Variants in CACNA1I observed in about 807,000 individuals in gnomAD.
The protein encoded by CACNA1I is calcium voltage-gated channel subunit alpha1 I, also known as voltage-dependent T-type calcium channel subunit alpha-1I.
Under a neutral mutation model 201.6 loss-of-function variants are expected in CACNA1I, and 74 were observed. The ratio of observed to expected loss-of-function variants is 0.37; its 90% CI spans 0.30 to 0.45. The LOEUF is 0.45. CACNA1I is among the 20% of genes least tolerant of loss of function. CACNA1I has a pLI of 1.00. For missense variants in CACNA1I, 2,346 were observed against 3,138.1 expected, an observed-to-expected ratio of 0.75 and a Z score of 6.03; for synonymous variants, 1,431 against 1,345.2, an observed-to-expected ratio of 1.06 and a Z score of -1.40.
At chr22:39,670,340 C>A in intron 25 of CACNA1I, 110 bp downstream of exon 25, 1 of 1,125,948 alleles carries the variant, frequency 8.9e-7, no homozygotes, top group Non-Finnish European at 1.2e-6. Context: ...AAAGATACAG[C>A]CCCTGTGCCC....
chr22:39,622,598 T>TGG (rs1411964115), intron 4 of CACNA1I, among the ~76,000 whole-genome samples: 1 of 2,746 alleles, frequency 3.6e-4, no homozygotes, highest in Admixed American at 4.0e-3. Context: ...GAGTGCGGTG[T>TGG]GGGGGGGGCG....
In CACNA1I at chr22:39,634,680, G is replaced by A. The variant is rs60675234; in HGVS notation, c.696G>A (p.Ala232=). 562 of 1,613,766 alleles carry A rather than the reference G, an allele frequency of 3.5e-4. 1 individual carries two copies. The African/African-American group carries it at 5.7e-3, about 16-fold the overall frequency. Residue 232 remains alanine (A), a synonymous_variant, in exon 5 of 37, where the codon GCG becomes GCA. Transcript: ENST00000402142. The part of the protein sequence containing the change: ...IFGIIGVQLW[A]GLLRNRCFLE... ...GCATCATAGGTGTGCAGCTCTGGGC[G>A]GGCCTGCTGCGTAACCGCTGCTTCC...
At position 39,676,339 on chromosome 22, in the gene CACNA1I, T is replaced by G. The variant is rs150672867; in HGVS notation, c.4855-1002T>G. 2.0e-5 allele frequency among the ~76,000 whole-genome samples: 3 copies of G among 152,292 alleles called. No individual in the cohort carries two copies. The East Asian group carries it at 5.8e-4, about 29-fold the overall frequency. ...CATTTAATTAGTCAGACACTAGCAG[T>G]GTAGAACGGCTGGCCAGGAAACCCT... On this transcript the variant is annotated intron_variant, in intron 29 of 36. Transcript: ENST00000402142. The surrounding 1 kb of genome is among the most constrained non-coding windows in gnomAD (Gnocchi z 4.8).
chr22:39,668,752 G>A (rs1236807096), intron 24 of CACNA1I, among the ~76,000 whole-genome samples: 1 of 152,176 alleles, frequency 6.6e-6, no homozygotes, highest in Non-Finnish European at 1.5e-5. Context: ...TAGGGAATTG[G>A]GAGTTGGGAG....
intron 1 of CACNA1I, among the ~76,000 whole-genome samples, chr22:39,583,143 T>TCCATCCATCCAG (rs1291325526): frequency 1.3e-5 from 2 of 149,552 alleles, no homozygotes; most frequent in Admixed American, 1.3e-4. Context: ...TCTCCATCCA[T>TCCATCCATCCAG]CCATCCAGCC....
At chr22:39,615,192 C>A (rs1933495966) in intron 3 of CACNA1I, among the ~76,000 whole-genome samples, 1 of 152,084 alleles carries the variant, frequency 6.6e-6, no homozygotes, top group African/African-American at 2.4e-5. Flanking sequence ...CCCAGGTGGC[C>A]CTCAGCAAAA....
Position 39,677,297 on chromosome 22 carries a change from C to T in CACNA1I, c.4855-44C>T, listed in dbSNP as rs775693858. The T allele has an allele frequency of 2.5e-5, 35 of 1,395,444 alleles. No individual in the cohort carries two copies. The South Asian group carries it at 4.1e-4, about 16-fold the overall frequency. 86.4% of individuals were successfully genotyped at this position (1,395,444 alleles called of 1,614,324 possible). The stretch of plus-strand genomic sequence containing the variant: ...ACCCTTCCCAGGCCTGGTGCGCCCC[C>T]ACCCGCTCCCCAGCCCCACCCGGCC... On this transcript the variant is annotated intron_variant, in intron 29 of 36. Transcript: ENST00000402142. This position sits in a 1 kb window ranked among gnomAD's most constrained non-coding sequence, Gnocchi z 4.8.
chr22:39,616,055 T>C (rs1933526206), intron 3 of CACNA1I, among the ~76,000 whole-genome samples: 1 of 152,160 alleles, frequency 6.6e-6, no homozygotes, highest in African/African-American at 2.4e-5. Flanking sequence ...ATTTGGGGAA[T>C]GTTTGCCGCA....
chr22:39,621,867 A>G (rs1933754148), intron 4 of CACNA1I, among the ~76,000 whole-genome samples: 1 of 152,066 alleles, frequency 6.6e-6, no homozygotes. Context: ...CGGAGAGGCC[A>G]TTTTAGGGCC....
At chr22:39,661,922 GGT>G (rs757382387) in intron 16 of CACNA1I, 41 bp from the exon 17 acceptor site, 11 of 1,318,238 alleles carry the variant, frequency 8.3e-6, no homozygotes, top group Non-Finnish European at 1.1e-5. Context: ...CCCAGCCGTG[GGT>G]GTGCCTGTGG....
chr22:39,649,520 C>G lies in CACNA1I; in HGVS notation c.1587C>G (p.Ser529Arg), dbSNP rs778054426. The part of the protein sequence containing the change: ...HSGRELCPQH[S>R]PLDATPHTLV... ...TTTCAGAGCTGTGCCCGCAACATAG[C>G]CCCCTGGATGCGACGCCCCACACCC... Residue 529 changes from serine (S) to arginine (R), a missense_variant, in exon 10 of 37, where the codon AGC becomes AGG. By Grantham distance (110) the Ser-to-Arg change is moderately radical (BLOSUM62 -1). Around this residue, in one of 13 missense-constraint regions of CACNA1I, gnomAD observed 312 missense variants for 331.5 expected, o/e 0.94. Coordinates refer to ENST00000402142, the MANE Select transcript of CACNA1I (RefSeq NM_021096.4). The surrounding 1 kb of genome is among the most constrained non-coding windows in gnomAD (Gnocchi z 7.3). 6.4e-7 allele frequency: 1 copy of G among 1,562,290 alleles called. No homozygotes were observed. Among genetic ancestry groups the G allele is most frequent in the Non-Finnish European group, 8.7e-7 (1 of 1,153,608 alleles).
intron 1 of CACNA1I, among the ~76,000 whole-genome samples, chr22:39,585,218 C>T (rs1048347599): frequency 6.6e-6 from 1 of 151,696 alleles, no homozygotes; most frequent in Non-Finnish European, 1.5e-5. Context: ...TGCCACTGTG[C>T]CCGGATAATT....
chr22:39,645,572 GC>G (rs1172752684), intron 7 of CACNA1I, among the ~76,000 whole-genome samples: 1 of 152,214 alleles, frequency 6.6e-6, no homozygotes, highest in Non-Finnish European at 1.5e-5. Context: ...TACCCGAGAG[GC>G]AGGGGATTTT....
chr22:39,576,150 C>T (rs897497680), intron 1 of CACNA1I, among the ~76,000 whole-genome samples: 5 of 152,186 alleles, frequency 3.3e-5, no homozygotes, highest in Non-Finnish European at 4.4e-5. Context: ...ACTTCCTTTT[C>T]CCCCTCTCTG....
rs143477752 is a variant in CACNA1I, at chr22:39,684,166, T to C, written c.5831-136T>C. 115 of 683,984 alleles carry C rather than the reference T, an allele frequency of 1.7e-4. No homozygotes were observed. In the East Asian group the frequency reaches 3.1e-3, roughly 18 times the overall value. 42.4% of individuals were successfully genotyped at this position (683,984 alleles called of 1,614,324 possible). On this transcript the variant is annotated intron_variant, in intron 35 of 36. Coordinates refer to ENST00000402142, the MANE Select transcript of CACNA1I (RefSeq NM_021096.4). This position sits in a 1 kb window ranked among gnomAD's most constrained non-coding sequence, Gnocchi z 4.6. ...CGAAGGCTTAGAGAGGGGGGACTTGTCCACAGTCTCACAGTCAGTTTATTA... is the reference window on the plus strand; with the variant it reads ...CGAAGGCTTAGAGAGGGGGGACTTGCCCACAGTCTCACAGTCAGTTTATTA...
chr22:39,685,936 G>C lies in CACNA1I; in HGVS notation c.6203G>C (p.Ser2068Thr). The change falls in exon 37 of 37, where the codon AGC becomes ACC. Residue 2068 changes from serine (S) to threonine (T), a missense_variant. Transcript: ENST00000402142. The surrounding 1 kb of genome is among the most constrained non-coding windows in gnomAD (Gnocchi z 5.0). Reference sequence around the variant, plus strand: ...TCCCCCGCCGCTCGCCGCCGCCTGAGCCTGCGCGGCCGGGGCCTCTTCAGC... The same window carrying C: ...TCCCCCGCCGCTCGCCGCCGCCTGACCCTGCGCGGCCGGGGCCTCTTCAGC... ...GLSPAARRRL[S>T]LRGRGLFSLR... is the part of the protein sequence containing the mutation. 1 of 1,291,410 alleles carries C rather than the reference G, an allele frequency of 7.7e-7. No individual in the cohort carries two copies. Among genetic ancestry groups the C allele is most frequent in the Non-Finnish European group, 9.7e-7 (1 of 1,029,466 alleles). The allele number at this position is 1,291,410 out of a possible 1,614,324, so 80.0% of individuals were successfully genotyped here. A position where few individuals can be genotyped will look rare whatever the true frequency, so the allele number is the denominator to read the frequency against.
chr22:39,662,002 G>T lies in CACNA1I; in HGVS notation c.2939G>T (p.Arg980Leu). 6.4e-6 allele frequency: 10 copies of T among 1,562,990 alleles called. No homozygotes were observed. Among genetic ancestry groups the T allele is most frequent in the Non-Finnish European group, 7.8e-6 (9 of 1,159,454 alleles). ...AGCTCCTACTACGGGCCATGGGGCC[G>T]CAGCGCGGCCTGGGCCAGCCGTCGC... ...SRSSYYGPWG[R>L]SAAWASRRSS... Residue 980 changes from arginine to leucine, a missense_variant, in exon 17 of 37, where the codon CGC becomes CTC. Arg to Leu is a moderately radical substitution (Grantham distance 102). Transcript: ENST00000402142.
At position 39,640,799 on chromosome 22, in the gene CACNA1I, C is replaced by T. The variant is rs184955789; in HGVS notation, c.741-68C>T. On this transcript the variant is annotated intron_variant, in intron 5 of 36. Coordinates refer to ENST00000402142, the MANE Select transcript of CACNA1I (RefSeq NM_021096.4). ...CATCCTGCTATGCTGCATGGCCTCT[C>T]CCTTCCTGATCCTCCTGACAGTGAC... 1.8e-3 allele frequency: 2,468 copies of T among 1,334,312 alleles called. 7 individuals are homozygous for T. The highest frequency in any genetic ancestry group is 2.2e-3 in the Non-Finnish European group (2,111 of 962,482). 82.7% of individuals were successfully genotyped at this position (1,334,312 alleles called of 1,614,324 possible).
At chr22:39,671,659 T>G (rs912714589) in intron 26 of CACNA1I, among the ~76,000 whole-genome samples, 1 of 152,134 alleles carries the variant, frequency 6.6e-6, no homozygotes, top group African/African-American at 2.4e-5. Context: ...AATTAATACC[T>G]TATTTCAAAT....
Sources: allele counts gnomAD v4.1 joint callset (sites outside exome capture counted in the v4.1 genomes callset), GRCh38; gene constraint gnomAD v4.1.1; regional missense constraint gnomAD v4.1.1; non-coding constraint Gnocchi (gnomAD v3.1); transcripts MANE v1.5; gene names NCBI Gene and HGNC (gene_info 2026-07-23, HGNC 2026-07-21).